Variants in KIF2A observed in about 807,000 individuals in gnomAD.
KIF2A encodes kinesin family member 2A.
KIF2A carries 22 observed loss-of-function variants against 100.2 expected under a neutral mutation model. That is an observed-to-expected ratio of 0.22 (90% CI 0.16 to 0.31). The LOEUF (loss-of-function observed/expected upper bound fraction) is 0.31, where lower values mean the gene tolerates loss of function less well. Among genes scored for constraint, KIF2A ranks in the 10% least tolerant of loss-of-function variants. KIF2A has a pLI of 1.00. For synonymous variants in KIF2A, 268 were observed against 285.9 expected, an observed-to-expected ratio of 0.94 and a Z score of 0.63; for missense variants, 495 against 898.7, an observed-to-expected ratio of 0.55 and a Z score of 5.74.
intron 20 of KIF2A, 127 bp from the exon 21 acceptor site, chr5:62,385,357 G>A: frequency 1.6e-6 from 1 of 634,064 alleles, no homozygotes; most frequent in South Asian, 2.3e-5. Flanking sequence ...AGACAACAAA[G>A]AACAAAAGGA....
chr5:62,362,459 T>C lies in KIF2A; in HGVS notation c.1037T>C (p.Val346Ala). 7.0e-7 allele frequency: 1 copy of C among 1,433,686 alleles called. No homozygotes were observed. The highest frequency in any genetic ancestry group is 9.2e-7 in the Non-Finnish European group (1 of 1,092,354). 88.8% of individuals were successfully genotyped at this position (1,433,686 alleles called of 1,614,324 possible). The part of the protein sequence containing the change: ...KGIYALAARD[V>A]FLMLKKPNYK... ...ATGAAATTTTTGACAGCTCGAGATG[T>C]CTTTTTAATGCTAAAGAAGCCAAAC... The change falls in exon 12 of 21, where the codon GTC becomes GCC. Residue 346 changes from valine to alanine, a missense_variant. Val to Ala is a moderately conservative substitution (Grantham distance 64, BLOSUM62 0). Transcript: ENST00000407818.
intron 5 of KIF2A, chr5:62,352,930 T>C (rs1319929202): frequency 9.3e-6 from 4 of 432,364 alleles, no homozygotes; most frequent in African/African-American, 8.3e-5. Context: ...ATTATAGCAA[T>C]GTTTCAGTTT....
At chr5:62,353,033 C>G in intron 5 of KIF2A, 2 of 420,082 alleles carry the variant, frequency 4.8e-6, no homozygotes, top group South Asian at 5.1e-5. Context: ...GTCTGTGTTT[C>G]TAAACCAAGA....
At position 62,357,676 on chromosome 5, in the gene KIF2A, A is replaced by G; in HGVS notation, c.655-15A>G. 7.2e-7 allele frequency: 1 copy of G among 1,397,896 alleles called. No homozygotes were observed. 86.6% of individuals were successfully genotyped at this position (1,397,896 alleles called of 1,614,324 possible). On this transcript the variant is annotated splice_polypyrimidine_tract_variant and intron_variant, in intron 7 of 20. Coordinates refer to ENST00000407818, the MANE Select transcript of KIF2A (RefSeq NM_001098511.3). ...ACACTAATAATCACTGAAATAAAAT[A>G]CTTTTTATTTCTAGATTGATGAACA...
At chr5:62,357,875 C>A in intron 8 of KIF2A, 130 bp downstream of exon 8, 1 of 663,318 alleles carries the variant, frequency 1.5e-6, no homozygotes, top group Non-Finnish European at 2.6e-6. Flanking sequence ...AACCATTATG[C>A]AGATTTCTAT....
intron 1 of KIF2A, among the ~76,000 whole-genome samples, chr5:62,342,507 C>T (rs1355267042): frequency 2.0e-5 from 3 of 152,130 alleles, no homozygotes. Flanking sequence ...ACTTGAATTT[C>T]CTGGGAAATC....
chr5:62,312,987 T>A (rs984996391), intron 1 of KIF2A, among the ~76,000 whole-genome samples: 3 of 152,200 alleles, frequency 2.0e-5, no homozygotes, highest in African/African-American at 7.2e-5. Context: ...TTATGACATA[T>A]CAAAATAATG....
intron 1 of KIF2A, among the ~76,000 whole-genome samples, chr5:62,326,524 C>A (rs1212767923): frequency 1.3e-5 from 2 of 152,138 alleles, no homozygotes; most frequent in Non-Finnish European, 2.9e-5. Flanking sequence ...GCTGTGGACA[C>A]ATTTTTTCTG....
rs192501022 is a variant in KIF2A, at chr5:62,374,934, A to T, written c.1911+1097A>T. On this transcript the variant is annotated intron_variant, in intron 18 of 20. Transcript: ENST00000407818. ...AGAGTGAGACTCCATCTCAAAAAAA[A>T]TTTTTTAAAGCTTAGAAACAAAAGA... 2.2e-3 allele frequency among the ~76,000 whole-genome samples: 333 copies of T among 152,242 alleles called. 1 individual carries two copies. Among genetic ancestry groups the T allele is most frequent in the African/African-American group, 7.7e-3 (322 of 41,566 alleles).
chr5:62,326,385 A>C (rs1746381130), intron 1 of KIF2A, among the ~76,000 whole-genome samples: 1 of 151,946 alleles, frequency 6.6e-6, no homozygotes. Context: ...GCCCACCCAC[A>C]CTCTCAGCAA....
intron 17 of KIF2A, among the ~76,000 whole-genome samples, 195 bp downstream of exon 17, chr5:62,372,746 T>C (rs1280728784): frequency 6.6e-6 from 1 of 152,218 alleles, no homozygotes; most frequent in African/African-American, 2.4e-5. Context: ...AAAATGTTGA[T>C]TTAGAATTCA....
chr5:62,319,733 T>C (rs970492838), intron 1 of KIF2A, among the ~76,000 whole-genome samples: 5 of 152,202 alleles, frequency 3.3e-5, no homozygotes, highest in African/African-American at 9.7e-5. Flanking sequence ...AAAATTGACT[T>C]GTGTTGTTCA....
chr5:62,338,256 C>G (rs1010964685), intron 1 of KIF2A, among the ~76,000 whole-genome samples: 3 of 152,050 alleles, frequency 2.0e-5, no homozygotes, highest in African/African-American at 7.2e-5. Flanking sequence ...AACAAAATGC[C>G]AACGGATTAA....
intron 18 of KIF2A, 74 bp downstream of exon 18, chr5:62,373,911 C>G: frequency 5.0e-6 from 6 of 1,206,512 alleles, no homozygotes; most frequent in Non-Finnish European, 7.3e-6. Context: ...TGAAAACTAT[C>G]ATTTAAATGA....
intron 20 of KIF2A, among the ~76,000 whole-genome samples, chr5:62,382,014 G>A (rs921353761): frequency 3.9e-5 from 6 of 152,256 alleles, no homozygotes; most frequent in Admixed American, 2.6e-4. Flanking sequence ...ATTTCTTTAT[G>A]TGTTAATTTC....
chr5:62,380,418 T>G (rs1561282725), intron 19 of KIF2A, among the ~76,000 whole-genome samples: 1 of 151,976 alleles, frequency 6.6e-6, no homozygotes, highest in Non-Finnish European at 1.5e-5. Flanking sequence ...CAAAGTAGAG[T>G]AAAGATAGAG....
At chr5:62,339,470 A>G (rs1747160367) in intron 1 of KIF2A, among the ~76,000 whole-genome samples, 1 of 127,390 alleles carries the variant, frequency 7.8e-6, no homozygotes, top group African/African-American at 3.0e-5. Context: ...CACTATCGAT[A>G]GGAAGCATCA....
chr5:62,381,102 A>T lies in KIF2A; in HGVS notation c.2014-16A>T. The T allele has an allele frequency of 6.3e-7, 1 of 1,598,434 alleles. No individual in the cohort carries two copies. Among genetic ancestry groups the T allele is most frequent in the Non-Finnish European group, 8.5e-7 (1 of 1,170,510 alleles). Reference sequence around the variant, plus strand: ...ACAAAGATGCTTATTGGATTATCGAATTTTTGTCCTTGTAGGAATCTATTC... The same window carrying T: ...ACAAAGATGCTTATTGGATTATCGATTTTTTGTCCTTGTAGGAATCTATTC... On this transcript the variant is annotated splice_polypyrimidine_tract_variant and intron_variant, in intron 19 of 20. Transcript: ENST00000407818.
At chr5:62,339,209 A>G (rs1353288506) in intron 1 of KIF2A, among the ~76,000 whole-genome samples, 2 of 152,124 alleles carry the variant, frequency 1.3e-5, no homozygotes, top group Non-Finnish European at 1.5e-5. Flanking sequence ...CAGGAGCAAG[A>G]GAGAGGGAGA....
Sources: gnomAD v4.1 joint callset for allele counts (sites outside exome capture counted in the v4.1 genomes callset) on GRCh38, gnomAD v4.1.1 for gene constraint, MANE v1.5 for transcripts, NCBI Gene and HGNC (gene_info 2026-07-23, HGNC 2026-07-21) for gene names.